PLEKHA7: variants seen among roughly 807,000 people sequenced by gnomAD.
PLEKHA7 encodes the protein pleckstrin homology domain containing A7, also known as pleckstrin homology domain-containing family A member 7.
Under a neutral mutation model 170.0 loss-of-function variants are expected in PLEKHA7, and 104 were observed. The observed-to-expected ratio is 0.61, with a 90% CI of 0.52 to 0.72. PLEKHA7 has a LOEUF of 0.72. PLEKHA7 is among the 30% of genes least tolerant of loss of function. The probability of loss-of-function intolerance (pLI) is 0.00; values close to 1 mark genes in which losing one functional copy is unlikely to be tolerated. For synonymous variants in PLEKHA7, 648 were observed against 660.8 expected, an observed-to-expected ratio of 0.98 and a Z score of 0.30; for missense variants, 1,615 against 1,671.7, an observed-to-expected ratio of 0.97 and a Z score of 0.59.
At chr11:16,938,289 C>T (rs942707717) in intron 3 of PLEKHA7, among the ~76,000 whole-genome samples, 2 of 152,026 alleles carry the variant, frequency 1.3e-5, no homozygotes, top group African/African-American at 4.8e-5. Context: ...AGACACGTGG[C>T]TTCGTCTGCA....
chr11:16,909,546 C>T (rs2136141195), intron 3 of PLEKHA7, among the ~76,000 whole-genome samples: 1 of 152,302 alleles, frequency 6.6e-6, no homozygotes, highest in East Asian at 1.9e-4. Flanking sequence ...AAGGCAGCAG[C>T]CTAGACAGGT....
chr11:16,801,459 G>A (rs217741), intron 16 of PLEKHA7, among the ~76,000 whole-genome samples: 11,799 of 152,252 alleles, frequency 0.077, 507 homozygotes, highest in Non-Finnish European at 0.091. Flanking sequence ...GAGTCGCTGT[G>A]GTAAGCAGCC....
rs759100871 is a variant in PLEKHA7, at chr11:16,813,179, CAG to C, written c.1954-15_1954-14del. On this transcript the variant is annotated splice_polypyrimidine_tract_variant and intron_variant, in intron 12 of 26. Transcript: ENST00000531066. Reference sequence around the variant, plus strand: ...AGGTATCATCAGCCTTCAAATGAAGCAGAGAGGAAAAAACACAGTTATGAACA... The same window carrying C: ...AGGTATCATCAGCCTTCAAATGAAGCAGAGGAAAAAACACAGTTATGAACA... 14 of 1,611,836 alleles carry C rather than the reference CAG, an allele frequency of 8.7e-6. No homozygotes were observed. In the East Asian group the frequency reaches 3.1e-4, roughly 36 times the overall value.
chr11:16,990,474 T>C (rs937731111), intron 3 of PLEKHA7, among the ~76,000 whole-genome samples: 9 of 152,162 alleles, frequency 5.9e-5, no homozygotes, highest in African/African-American at 1.9e-4. Context: ...CGGTCCTTCA[T>C]GGCCTGCTTA....
intron 4 of PLEKHA7, among the ~76,000 whole-genome samples, chr11:16,863,663 G>A (rs1239262048): frequency 6.6e-6 from 1 of 152,086 alleles, no homozygotes; most frequent in Non-Finnish European, 1.5e-5. Context: ...AGCTGCAGAG[G>A]CATTCGTCAG....
At chr11:16,851,065 G>T (rs776821867) in intron 8 of PLEKHA7, 126 bp downstream of exon 8, 5 of 609,246 alleles carry the variant, frequency 8.2e-6, no homozygotes, top group African/African-American at 1.9e-5. Context: ...TTACAACTTT[G>T]TTAACCGGAA....
chr11:16,787,704 C>T (rs550689717), intron 23 of PLEKHA7: 4 of 152,306 alleles, frequency 2.6e-5, no homozygotes, highest in African/African-American at 9.6e-5. Flanking sequence ...CAGAGACTTA[C>T]ACAAGTCTTC....
chr11:16,848,629 GATA>G (rs960603384), intron 8 of PLEKHA7, among the ~76,000 whole-genome samples: 74 of 152,306 alleles, frequency 4.9e-4, no homozygotes, highest in African/African-American at 1.7e-3. Context: ...GAGCATAAAT[GATA>G]TTTCAAGATA....
At chr11:16,875,240 C>T (rs966370280) in intron 3 of PLEKHA7, among the ~76,000 whole-genome samples, 22 of 152,152 alleles carry the variant, frequency 1.4e-4, no homozygotes, top group Admixed American at 1.4e-3. Context: ...CATTCATCAT[C>T]TTATTTGCCC....
chr11:16,880,260 C>T (rs77032914), intron 3 of PLEKHA7, among the ~76,000 whole-genome samples: 2,369 of 152,278 alleles, frequency 0.016, 61 homozygotes, highest in African/African-American at 0.054. Flanking sequence ...GCAGGAAGCC[C>T]AGGCAGATCA....
In PLEKHA7 at chr11:16,931,406, T is replaced by A. The variant is rs541916506; in HGVS notation, c.222-60224A>T. Among the ~76,000 whole-genome samples the A allele has an allele frequency of 9.0e-4, 137 of 152,182 alleles. 2 individuals carry two copies. In the South Asian group the frequency reaches 0.026, roughly 28 times the overall value. The stretch of plus-strand genomic sequence containing the variant: ...CCTTTACCTTCTAGCAAGAGTCACC[T>A]AAGGAGGCTTGAATTAATTCATAAT... On this transcript the variant is annotated intron_variant, in intron 3 of 26. Transcript: ENST00000531066.
intron 26 of PLEKHA7, among the ~76,000 whole-genome samples, chr11:16,782,118 G>T (rs202176233): frequency 6.6e-6 from 1 of 150,474 alleles, no homozygotes; most frequent in African/African-American, 2.4e-5. Context: ...CAGACACACA[G>T]ACACACATAC....
chr11:16,967,470 C>T (rs1415031542), intron 3 of PLEKHA7, among the ~76,000 whole-genome samples: 2 of 152,176 alleles, frequency 1.3e-5, no homozygotes, highest in Non-Finnish European at 2.9e-5. Flanking sequence ...GCTGGTCATG[C>T]TGTGTCTCTG....
intron 3 of PLEKHA7, among the ~76,000 whole-genome samples, chr11:16,957,707 T>C (rs1251939344): frequency 7.1e-6 from 1 of 140,174 alleles, no homozygotes; most frequent in Admixed American, 7.1e-5. Context: ...CTTTTTTTTT[T>C]TTTTTTTTTT....
intron 19 of PLEKHA7, among the ~76,000 whole-genome samples, chr11:16,793,737 T>C (rs1848018348): frequency 6.6e-6 from 1 of 152,240 alleles, no homozygotes; most frequent in Non-Finnish European, 1.5e-5. Context: ...TAAAGTCTCC[T>C]GCATTCCCAG....
At chr11:16,926,660 A>T (rs1019931612) in intron 3 of PLEKHA7, among the ~76,000 whole-genome samples, 6 of 152,226 alleles carry the variant, frequency 3.9e-5, no homozygotes, top group African/African-American at 1.4e-4. Flanking sequence ...GACGTTACCC[A>T]GTGAGTGGGA....
At chr11:16,874,661 A>G (rs1855139756) in intron 3 of PLEKHA7, among the ~76,000 whole-genome samples, 1 of 152,196 alleles carries the variant, frequency 6.6e-6, no homozygotes, top group Non-Finnish European at 1.5e-5. Context: ...CCCTAAAGAC[A>G]CAAGGCATCA....
intron 4 of PLEKHA7, among the ~76,000 whole-genome samples, chr11:16,859,664 C>A (rs1055055690): frequency 6.6e-6 from 1 of 152,220 alleles, no homozygotes; most frequent in African/African-American, 2.4e-5. Flanking sequence ...GTGGGGCAGA[C>A]AATGATTTGT....
chr11:16,793,796 T>C lies in PLEKHA7; in HGVS notation c.2745+692A>G, dbSNP rs1848022060. 2.0e-5 allele frequency among the ~76,000 whole-genome samples: 3 copies of C among 152,336 alleles called. No individual in the cohort carries two copies. In the South Asian group the frequency reaches 6.2e-4, roughly 32 times the overall value. On this transcript the variant is annotated intron_variant, in intron 19 of 26. Coordinates refer to ENST00000531066, the MANE Select transcript of PLEKHA7 (RefSeq NM_001329630.2). The stretch of plus-strand genomic sequence containing the variant: ...TTCTATGCCAGGCAAACCAAGGTGC[T>C]GGCCCAGTCAGCCACAGAGGCCACA...
Sources: allele counts gnomAD v4.1 joint callset (sites outside exome capture counted in the v4.1 genomes callset), GRCh38; gene constraint gnomAD v4.1.1; transcripts MANE v1.5; gene names NCBI Gene and HGNC (gene_info 2026-07-23, HGNC 2026-07-21).